Variants in MYO1E observed in about 807,000 individuals in gnomAD.
MYO1E encodes the protein myosin IE.
Under a neutral mutation model 151.1 loss-of-function variants are expected in MYO1E, and 68 were observed. The ratio of observed to expected loss-of-function variants is 0.45; its 90% CI spans 0.37 to 0.55. MYO1E has a LOEUF of 0.55. Among genes scored for constraint, MYO1E ranks in the 20% least tolerant of loss-of-function variants. MYO1E has a pLI of 0.00. For missense variants in MYO1E, 1,363 were observed against 1,389.3 expected (o/e 0.98, Z 0.30); for synonymous variants, 601 against 501.7 (o/e 1.20, Z -2.64).
chr15:59,208,606 T>C (rs2079856190), intron 14 of MYO1E, 75 bp downstream of exon 14: 3 of 1,547,048 alleles, frequency 1.9e-6, no homozygotes, highest in Admixed American at 1.7e-5. Context: ...AGCCATATGA[T>C]TTGCTTCATG....
intron 18 of MYO1E, among the ~76,000 whole-genome samples, chr15:59,183,875 A>T (rs111607788): frequency 0.024 from 3,687 of 151,928 alleles, 144 homozygotes; most frequent in African/African-American, 0.083. Context: ...TTTATTCTCT[A>T]TCTTGATGAG....
chr15:59,332,395 C>T (rs767241141), intron 1 of MYO1E, among the ~76,000 whole-genome samples: 1 of 152,098 alleles, frequency 6.6e-6, no homozygotes, highest in Non-Finnish European at 1.5e-5. Flanking sequence ...AAAAGTAAAC[C>T]CATTATTTAC....
chr15:59,236,576 C>A lies in MYO1E; in HGVS notation c.420+9G>T, dbSNP rs779206722. On this transcript the variant is annotated intron_variant, in intron 5 of 27. Transcript: ENST00000288235. The stretch of plus-strand genomic sequence containing the variant: ...CATAAGGTATCATAATGGGCCACTG[C>A]CCACTCACCTGGACTTTGGTCCCTC... 79 of 1,603,630 alleles carry A rather than the reference C, an allele frequency of 4.9e-5. No individual in the cohort carries two copies. The highest frequency in any genetic ancestry group is 6.7e-5 in the Non-Finnish European group (78 of 1,170,722).
At chr15:59,296,728 GTTTGT>G (rs1438869288) in intron 1 of MYO1E, among the ~76,000 whole-genome samples, 5 of 151,438 alleles carry the variant, frequency 3.3e-5, no homozygotes, top group African/African-American at 1.2e-4. Context: ...TGGGTTTTCT[GTTTGT>G]TTTGTGTTTG....
intron 16 of MYO1E, among the ~76,000 whole-genome samples, chr15:59,196,041 T>C (rs1326222422): frequency 2.6e-5 from 4 of 152,190 alleles, no homozygotes; most frequent in African/African-American, 9.7e-5. Flanking sequence ...GCAATCCAAC[T>C]AATGAAGAAT....
intron 1 of MYO1E, among the ~76,000 whole-genome samples, chr15:59,335,052 A>G (rs1365151427): frequency 6.6e-6 from 1 of 152,226 alleles, no homozygotes; most frequent in African/African-American, 2.4e-5. Context: ...GATTTAACAC[A>G]AAGATTGTCT....
chr15:59,271,584 A>G (rs62002721), intron 2 of MYO1E, among the ~76,000 whole-genome samples: 25,390 of 152,224 alleles, frequency 0.17, 2,158 homozygotes, highest in Non-Finnish European at 0.19. Flanking sequence ...CCATATTTGA[A>G]TCAAATTTCC....
At chr15:59,308,936 G>A (rs761181704) in intron 1 of MYO1E, among the ~76,000 whole-genome samples, 4 of 151,808 alleles carry the variant, frequency 2.6e-5, no homozygotes, top group Admixed American at 6.6e-5. Flanking sequence ...AGAGCTCTGG[G>A]CCTCAGAGAG....
At chr15:59,179,940 G>T (rs555355852) in intron 18 of MYO1E, among the ~76,000 whole-genome samples, 1 of 152,362 alleles carries the variant, frequency 6.6e-6, no homozygotes, top group South Asian at 2.1e-4. Context: ...TAGGCCCCCA[G>T]GCCTTGAGCG....
chr15:59,140,685 T>G (rs1207149062), intron 26 of MYO1E, among the ~76,000 whole-genome samples: 1 of 152,194 alleles, frequency 6.6e-6, no homozygotes, highest in Non-Finnish European at 1.5e-5. Context: ...CTTGCCCAGG[T>G]CCTGTGATGA....
intron 18 of MYO1E, among the ~76,000 whole-genome samples, chr15:59,187,687 T>C (rs1209851773): frequency 2.0e-5 from 3 of 152,216 alleles, no homozygotes; most frequent in African/African-American, 4.8e-5. Context: ...CTGACGTTTA[T>C]CAACTGATGA....
Position 59,133,459 on chromosome 15 carries a change from C to T in MYO1E, c.*3921G>A, listed in dbSNP as rs1337280865. 1 of 151,846 alleles carries T rather than the reference C, an allele frequency of 6.6e-6. No individual in the cohort carries two copies. Among genetic ancestry groups the T allele is most frequent in the Non-Finnish European group, 1.5e-5 (1 of 68,014 alleles). The allele number at this position is 151,846 out of a possible 1,614,324, so 9.4% of individuals were successfully genotyped here. ...GTGTGACCTTGGGCGACCTAGTGAACCATACTGAGCCAGTCTTCTTGTTAG... is the reference window on the plus strand; with the variant it reads ...GTGTGACCTTGGGCGACCTAGTGAATCATACTGAGCCAGTCTTCTTGTTAG... On this transcript the variant is annotated 3_prime_UTR_variant, in exon 28 of 28. Coordinates refer to ENST00000288235, the MANE Select transcript of MYO1E (RefSeq NM_004998.4).
rs190369768 is a variant in MYO1E at position 59,282,741 on chromosome 15, G to C, written c.4-10292C>G. Among the ~76,000 whole-genome samples the C allele has an allele frequency of 4.7e-5, 7 of 150,038 alleles. No homozygotes were observed. In the East Asian group the frequency reaches 7.9e-4, roughly 17 times the overall value. On this transcript the variant is annotated intron_variant, in intron 1 of 27. Coordinates refer to ENST00000288235, the MANE Select transcript of MYO1E (RefSeq NM_004998.4). ...CATGCCTGTGGTCCAGGCTACTCTC[G>C]AGAGCCGGAGGCAGGAGGATCGCTT...
chr15:59,211,705 C>T (rs970100064), intron 12 of MYO1E, among the ~76,000 whole-genome samples: 2 of 152,154 alleles, frequency 1.3e-5, no homozygotes, highest in Non-Finnish European at 2.9e-5. Context: ...GTGTCACCAT[C>T]GGCCCTGTTA....
At chr15:59,191,685 T>C (rs1306028524) in intron 17 of MYO1E, among the ~76,000 whole-genome samples, 1 of 152,228 alleles carries the variant, frequency 6.6e-6, no homozygotes, top group Admixed American at 6.5e-5. Flanking sequence ...CAGGAAATTT[T>C]CTGGTAGAAA....
At chr15:59,236,413 CACACACAA>C (rs1208768632) in intron 5 of MYO1E, among the ~76,000 whole-genome samples, 164 bp downstream of exon 5, 127 of 140,456 alleles carry the variant, frequency 9.0e-4, no homozygotes, top group African/African-American at 3.3e-3. Flanking sequence ...CACACACACA[CACACACAA>C]ACACACATAC....
chr15:59,256,449 G>T, intron 3 of MYO1E, 71 bp from the exon 4 acceptor site: 1 of 858,388 alleles, frequency 1.2e-6, no homozygotes, highest in Non-Finnish European at 1.7e-6. Context: ...ATCATGGTCA[G>T]ATAGGCAATA....
chr15:59,232,397 G>C (rs953955492), intron 5 of MYO1E, among the ~76,000 whole-genome samples: 1 of 152,244 alleles, frequency 6.6e-6, no homozygotes, highest in Non-Finnish European at 1.5e-5. Flanking sequence ...GCTCCCTGGT[G>C]TTGCTGGTTT....
intron 3 of MYO1E, among the ~76,000 whole-genome samples, chr15:59,256,631 T>A (rs1209151199): frequency 6.6e-6 from 1 of 152,102 alleles, no homozygotes; most frequent in Non-Finnish European, 1.5e-5. Flanking sequence ...CGTAGGCATA[T>A]CCATGATTCA....
Sources: gnomAD v4.1 joint callset for allele counts (sites outside exome capture counted in the v4.1 genomes callset) on GRCh38, gnomAD v4.1.1 for gene constraint, MANE v1.5 for transcripts, NCBI Gene and HGNC (gene_info 2026-07-23, HGNC 2026-07-21) for gene names.